Variants in AQR observed in about 807,000 individuals in gnomAD.
The protein encoded by AQR is RNA helicase aquarius.
AQR carries 61 observed loss-of-function variants against 180.5 expected under a neutral mutation model. The ratio of observed to expected loss-of-function variants is 0.34; its 90% CI spans 0.28 to 0.42. The LOEUF is 0.42. Among genes scored for constraint, AQR ranks in the 10% least tolerant of loss-of-function variants. The pLI is 1.00. For missense variants in AQR, 1,281 were observed against 1,798.3 expected (o/e 0.71, Z 5.20); for synonymous variants, 551 against 588.8 (o/e 0.94, Z 0.93).
At chr15:34,887,639 C>T (rs1893083190) in intron 24 of AQR, among the ~76,000 whole-genome samples, 1 of 152,154 alleles carries the variant, frequency 6.6e-6, no homozygotes, top group South Asian at 2.1e-4. Context: ...ACCACAACAA[C>T]AAAGGGTCTC....
At chr15:34,873,715 G>C (rs1032724681) in intron 30 of AQR, 113 bp downstream of exon 30, 1 of 849,172 alleles carries the variant, frequency 1.2e-6, no homozygotes, top group Non-Finnish European at 1.8e-6. Context: ...TATGTGTAAG[G>C]TGGGGTTCCA....
chr15:34,860,395 C>A, intron 33 of AQR, among the ~76,000 whole-genome samples: 1 of 150,702 alleles, frequency 6.6e-6, no homozygotes. Flanking sequence ...GCCTGCTGGC[C>A]ACGTGACTCC....
At chr15:34,949,972 TAAAAA>T (rs374857238) in intron 4 of AQR, among the ~76,000 whole-genome samples, 2 of 131,456 alleles carry the variant, frequency 1.5e-5, no homozygotes, top group African/African-American at 6.1e-5. Context: ...TCTCCAAAAC[TAAAAA>T]AAAAAAAAAA....
chr15:34,924,919 T>TAAAAAAAAA (rs34745223), intron 13 of AQR, among the ~76,000 whole-genome samples: 8 of 134,014 alleles, frequency 6.0e-5, no homozygotes, highest in Non-Finnish European at 7.9e-5. Context: ...AAGCTAAATG[T>TAAAAAAAAA]AAAAAAAAAA....
chr15:34,858,328 A>C (rs1892620713), intron 34 of AQR, among the ~76,000 whole-genome samples: 1 of 146,140 alleles, frequency 6.8e-6, no homozygotes, highest in Non-Finnish European at 1.5e-5. Context: ...AGCAAAAAAA[A>C]AAAAAAAAAA....
intron 7 of AQR, 68 bp downstream of exon 7, chr15:34,941,944 T>C: frequency 1.6e-6 from 2 of 1,256,834 alleles, no homozygotes; most frequent in Non-Finnish European, 2.2e-6. Context: ...AGATTAAGGC[T>C]ATAGACTAAA....
chr15:34,906,069 A>G (rs1241496231), intron 18 of AQR, among the ~76,000 whole-genome samples: 1 of 151,852 alleles, frequency 6.6e-6, no homozygotes, highest in Non-Finnish European at 1.5e-5. Context: ...GTCCTTTCCA[A>G]TATCTAACAT....
At chr15:34,952,358 T>C (rs1566790482) in intron 4 of AQR, among the ~76,000 whole-genome samples, 3 of 152,246 alleles carry the variant, frequency 2.0e-5, no homozygotes, top group Non-Finnish European at 4.4e-5. Flanking sequence ...AGCACAAAAC[T>C]GGTGTTCTGT....
chr15:34,947,458 T>G (rs1894145724), intron 5 of AQR, among the ~76,000 whole-genome samples: 1 of 146,436 alleles, frequency 6.8e-6, no homozygotes, highest in Non-Finnish European at 1.5e-5. Context: ...ACTATTGTCC[T>G]GTGACCCTGC....
chr15:34,938,616 T>C lies in AQR; in HGVS notation c.718+121A>G, dbSNP rs1203136256. Reference sequence around the variant, plus strand: ...TAATGTATTTAAAAAGGAGAGGACATACACTTTGCCAATACAATTTAAAAT... The same window carrying C: ...TAATGTATTTAAAAAGGAGAGGACACACACTTTGCCAATACAATTTAAAAT... On this transcript the variant is annotated intron_variant, in intron 9 of 34. Transcript: ENST00000156471. 3.3e-5 allele frequency: 22 copies of C among 661,980 alleles called. No individual in the cohort carries two copies. In the East Asian group the frequency reaches 5.7e-4, roughly 17 times the overall value. 41.0% of individuals were successfully genotyped at this position (661,980 alleles called of 1,614,324 possible).
chr15:34,914,428 G>T (rs1040819280), intron 16 of AQR, among the ~76,000 whole-genome samples: 26 of 152,154 alleles, frequency 1.7e-4, no homozygotes, highest in African/African-American at 6.3e-4. Flanking sequence ...TTATGCAGAA[G>T]AATTCCTCAA....
At chr15:34,879,298 C>A (rs765974059) in intron 27 of AQR, among the ~76,000 whole-genome samples, 17 of 152,180 alleles carry the variant, frequency 1.1e-4, no homozygotes. Flanking sequence ...ATAAAACTGG[C>A]TGAAACTGGC....
intron 26 of AQR, among the ~76,000 whole-genome samples, chr15:34,883,952 A>G (rs1893014733): frequency 6.6e-6 from 1 of 152,204 alleles, no homozygotes; most frequent in Non-Finnish European, 1.5e-5. Context: ...TACAGGACTT[A>G]GAATGGCCAC....
At chr15:34,938,923 T>C in intron 8 of AQR, 110 bp from the exon 9 acceptor site, 1 of 754,294 alleles carries the variant, frequency 1.3e-6, no homozygotes, top group Non-Finnish European at 2.2e-6. Flanking sequence ...TTCATTTCTT[T>C]GTGAAGCTGG....
intron 32 of AQR, among the ~76,000 whole-genome samples, chr15:34,865,113 G>A (rs1417500942): frequency 6.6e-6 from 1 of 152,116 alleles, no homozygotes; most frequent in Non-Finnish European, 1.5e-5. Context: ...TTGAAAGCAG[G>A]GCAATATGGG....
At chr15:34,949,606 A>T (rs1343265043) in intron 4 of AQR, among the ~76,000 whole-genome samples, 2 of 1,958 alleles carry the variant, frequency 1.0e-3, no homozygotes, top group Non-Finnish European at 1.9e-3. Flanking sequence ...ACTCCGTCAC[A>T]AAAAAAAAAA....
At chr15:34,939,538 T>A (rs917071727) in intron 8 of AQR, among the ~76,000 whole-genome samples, 4 of 152,252 alleles carry the variant, frequency 2.6e-5, no homozygotes, top group African/African-American at 9.6e-5. Context: ...AATAGAGTAT[T>A]ACAATAGCTA....
At chr15:34,907,757 G>A (rs1302071667) in intron 17 of AQR, among the ~76,000 whole-genome samples, 1 of 152,204 alleles carries the variant, frequency 6.6e-6, no homozygotes, top group Admixed American at 6.5e-5. Flanking sequence ...TACTACCTGT[G>A]TGATGTCTGA....
chr15:34,882,963 T>C (rs1595785516), intron 26 of AQR, among the ~76,000 whole-genome samples: 1 of 152,310 alleles, frequency 6.6e-6, no homozygotes, highest in East Asian at 1.9e-4. Flanking sequence ...CAGGTATTCA[T>C]ATCAAAGGAA....
Sources: allele counts gnomAD v4.1 joint callset (sites outside exome capture counted in the v4.1 genomes callset), GRCh38; gene constraint gnomAD v4.1.1; transcripts MANE v1.5; gene names NCBI Gene and HGNC (gene_info 2026-07-23, HGNC 2026-07-21).